Variants in KRT86 observed in about 807,000 individuals in gnomAD.
KRT86 encodes the protein keratin, type II cuticular Hb6.
In KRT86, 30 loss-of-function variants were observed where a neutral mutation model predicts 41.2. That is an observed-to-expected ratio of 0.73 (90% CI 0.54 to 0.99). The LOEUF is 0.99. KRT86 is among the 50% of genes least tolerant of loss of function. The pLI is 0.00. For missense variants in KRT86, 561 were observed against 571.4 expected, an observed-to-expected ratio of 0.98 and a Z score of 0.19; for synonymous variants, 238 against 238.1, an observed-to-expected ratio of 1.00 and a Z score of 0.00.
intron 2 of KRT86, chr12:52,287,459 G>C (rs750777800): frequency 2.5e-5 from 40 of 1,575,558 alleles, no homozygotes; most frequent in Non-Finnish European, 2.2e-5. Context: ...GGGACTCATT[G>C]AGAGACCACG....
chr12:52,282,417 T>C (rs114186588), intron 2 of KRT86, among the ~76,000 whole-genome samples: 2,943 of 152,050 alleles, frequency 0.019, 105 homozygotes, highest in African/African-American at 0.067. Context: ...TTTGTATTTT[T>C]AGTAGAGACG....
intron 2 of KRT86, among the ~76,000 whole-genome samples, chr12:52,293,888 G>A (rs964923542): frequency 6.6e-6 from 1 of 152,162 alleles, no homozygotes; most frequent in Non-Finnish European, 1.5e-5. Context: ...CAAGGGCAAA[G>A]GCAGGCAGAG....
Position 52,288,586 on chromosome 12 carries a change from C to G in KRT86, c.-5+12640C>G, listed in dbSNP as rs1048903380. On this transcript the variant is annotated intron_variant, in intron 2 of 10. Transcript: ENST00000423955. ...GTGTCCCATTCCCATGCCTTTCCTC[C>G]CCTTCTGCCCTTCCTGGGATGAGCT... is the stretch of plus-strand genomic sequence containing the variant. 8.2e-6 allele frequency: 9 copies of G among 1,101,148 alleles called. No individual in the cohort carries two copies. In the African/African-American group the frequency reaches 1.2e-4, roughly 15 times the overall value. The allele number at this position is 1,101,148 out of a possible 1,614,324, so 68.2% of individuals were successfully genotyped here.
chr12:52,277,048 G>A (rs756109181), intron 2 of KRT86, among the ~76,000 whole-genome samples: 4 of 152,236 alleles, frequency 2.6e-5, no homozygotes, highest in Non-Finnish European at 5.9e-5. Context: ...AGCTGTTCTG[G>A]TTCCCCAAGC....
chr12:52,291,597 T>C, intron 2 of KRT86: 1 of 1,420,578 alleles, frequency 7.0e-7, no homozygotes, highest in East Asian at 2.5e-5. Context: ...GCTGTGAAGA[T>C]GATGTTGGGG....
At position 52,296,304 on chromosome 12, in the gene KRT86, G is replaced by A. The variant is rs113439178; in HGVS notation, c.-4-5609G>A. Among the ~76,000 whole-genome samples the A allele has an allele frequency of 7.8e-3, 1,182 of 152,254 alleles. 13 individuals carry two copies. Among genetic ancestry groups the A allele is most frequent in the African/African-American group, 0.027 (1,108 of 41,542 alleles). On this transcript the variant is annotated intron_variant, in intron 2 of 10. Transcript: ENST00000423955. ...TGGGAGAAGATCTGGGAAGTATGGT[G>A]GAAGGGTCACTCCAGGGATGAAAGA...
In KRT86 at chr12:52,300,581, A is replaced by T. The variant is rs151193524; in HGVS notation, c.-4-1332A>T. Among the ~76,000 whole-genome samples the T allele has an allele frequency of 5.0e-3, 756 of 152,318 alleles. 3 individuals are homozygous for T. The highest frequency in any genetic ancestry group is 0.01 in the Middle Eastern group (3 of 294). On this transcript the variant is annotated intron_variant, in intron 2 of 10. Coordinates refer to ENST00000423955, the MANE Select transcript of KRT86 (RefSeq NM_001320198.2). ...TACTCAGGGCAGAGCCTTGGTTCCT[A>T]CCCAGCCTTTGTGAGTTTAAGACCC...
chr12:52,297,379 C>T (rs1190715443), intron 2 of KRT86, among the ~76,000 whole-genome samples: 2 of 152,186 alleles, frequency 1.3e-5, no homozygotes, highest in South Asian at 2.1e-4. Context: ...CTCTTAATGC[C>T]TCCTTCCCTC....
intron 2 of KRT86, chr12:52,287,262 C>G (rs1359708782): frequency 1.2e-6 from 2 of 1,614,124 alleles, no homozygotes; most frequent in Non-Finnish European, 8.5e-7. Flanking sequence ...CAGCGGGCAT[C>G]ACTGAGGGCC....
At chr12:52,307,515 T>C (rs1282368630) in intron 9 of KRT86, among the ~76,000 whole-genome samples, 2 of 152,248 alleles carry the variant, frequency 1.3e-5, no homozygotes, top group African/African-American at 4.8e-5. Flanking sequence ...AACTCCATTT[T>C]CTTCCCTTAG....
In KRT86 at chr12:52,308,540, C is replaced by T; in HGVS notation, c.1416C>T (p.Pro472=). 1 of 1,601,748 alleles carries T rather than the reference C, an allele frequency of 6.2e-7. No homozygotes were observed. The highest frequency in any genetic ancestry group is 8.5e-7 in the Non-Finnish European group (1 of 1,179,822). ...VVVGTTNACA[P]SARVGVCGGS... is the part of the protein sequence containing the mutation. ...TGGGCACTACTAACGCCTGCGCCCC[C>T]TCCGCCCGGGTTGGCGTCTGCGGCG... The change falls in exon 11 of 11, where the codon CCC becomes CCT. Residue 472 remains proline (P), a synonymous_variant. Transcript: ENST00000423955.
intron 2 of KRT86, among the ~76,000 whole-genome samples, chr12:52,278,437 A>AGT (rs1429027866): frequency 4.2e-5 from 3 of 71,664 alleles, no homozygotes; most frequent in Non-Finnish European, 8.3e-5. Context: ...AAGAAAGTGT[A>AGT]GTTTTTTTTT....
chr12:52,283,870 T>C (rs953669760), intron 2 of KRT86, among the ~76,000 whole-genome samples: 3 of 152,210 alleles, frequency 2.0e-5, no homozygotes, highest in Admixed American at 6.5e-5. Flanking sequence ...TCCATTTTCT[T>C]CACCATTCTG....
At chr12:52,294,488 G>A (rs1938204241) in intron 2 of KRT86, among the ~76,000 whole-genome samples, 1 of 151,812 alleles carries the variant, frequency 6.6e-6, no homozygotes, top group South Asian at 2.1e-4. Flanking sequence ...AGGGAGGAGG[G>A]GAGGGAAGGT....
chr12:52,296,712 A>G (rs924819945), intron 2 of KRT86, among the ~76,000 whole-genome samples: 1 of 152,204 alleles, frequency 6.6e-6, no homozygotes, highest in Non-Finnish European at 1.5e-5. Context: ...TCCATTATCA[A>G]CATCTCAACA....
intron 2 of KRT86, chr12:52,277,393 A>T (rs1240483970): frequency 6.6e-6 from 1 of 152,238 alleles, no homozygotes; most frequent in African/African-American, 2.4e-5. Context: ...GCAACCATGG[A>T]CAATCTCCAA....
At chr12:52,304,743 CAG>C (rs1938461580) in intron 5 of KRT86, among the ~76,000 whole-genome samples, 187 bp from the exon 6 acceptor site, 1 of 151,768 alleles carries the variant, frequency 6.6e-6, no homozygotes, top group African/African-American at 2.4e-5. Context: ...CCAAGACAAA[CAG>C]GGTTTGTCCT....
chr12:52,278,231 TA>T (rs11303447), intron 2 of KRT86, among the ~76,000 whole-genome samples: 2,546 of 152,256 alleles, frequency 0.017, 77 homozygotes, highest in African/African-American at 0.058. Context: ...TCACCTCCTT[TA>T]ACACCTCACA....
chr12:52,286,961 C>A (rs1592422428), intron 2 of KRT86: 1 of 1,548,136 alleles, frequency 6.5e-7, no homozygotes, highest in East Asian at 2.3e-5. Context: ...GACAAACTCA[C>A]ACACCAGCCC....
Sources: allele counts gnomAD v4.1 joint callset (sites outside exome capture counted in the v4.1 genomes callset), GRCh38; gene constraint gnomAD v4.1.1; transcripts MANE v1.5; gene names NCBI Gene and HGNC (gene_info 2026-07-23, HGNC 2026-07-21).